Variants in FAM117B observed in about 807,000 individuals in gnomAD.
FAM117B encodes family with sequence similarity 117 member B, also known as protein FAM117B.
A neutral mutation model predicts 52.8 loss-of-function variants in FAM117B; 22 were observed. That is an observed-to-expected ratio of 0.42 (90% CI 0.30 to 0.59). The LOEUF (loss-of-function observed/expected upper bound fraction) is 0.59, where lower values mean the gene tolerates loss of function less well. FAM117B is among the 20% of genes least tolerant of loss of function. The probability of loss-of-function intolerance (pLI) is 0.22; values close to 1 mark genes in which losing one functional copy is unlikely to be tolerated. For synonymous variants in FAM117B, 309 were observed against 324.1 expected (o/e 0.95, Z 0.50); for missense variants, 678 against 802.6 (o/e 0.84, Z 1.88).
At chr2:202,711,956 T>C (rs1319919265) in intron 2 of FAM117B, among the ~76,000 whole-genome samples, 2 of 152,212 alleles carry the variant, frequency 1.3e-5, no homozygotes, top group African/African-American at 4.8e-5. Context: ...CATTCTGTAG[T>C]ATAATTTGAA....
intron 1 of FAM117B, among the ~76,000 whole-genome samples, chr2:202,690,315 A>G (rs984412337): frequency 1.1e-4 from 16 of 152,250 alleles, no homozygotes; most frequent in African/African-American, 3.9e-4. Context: ...TAACATTGGA[A>G]GTCATTCTTT....
chr2:202,706,401 T>G (rs1690869064), intron 2 of FAM117B, among the ~76,000 whole-genome samples: 1 of 152,252 alleles, frequency 6.6e-6, no homozygotes, highest in African/African-American at 2.4e-5. Flanking sequence ...AAGTATTTTA[T>G]TTTTACAATT....
Position 202,651,272 on chromosome 2 carries a change from G to C in FAM117B, c.601+15484G>C, listed in dbSNP as rs1278082406. 3.3e-5 allele frequency among the ~76,000 whole-genome samples: 5 copies of C among 152,020 alleles called. No homozygotes were observed. The East Asian group carries it at 9.7e-4, about 29-fold the overall frequency. On this transcript the variant is annotated intron_variant, in intron 1 of 7. Transcript: ENST00000392238. ...AGACAGGGTTTCACTACGTTGGCCA[G>C]GCTGGTCTCGAACTCCTGATTGCAG...
At chr2:202,755,267 A>G (rs544613240) in intron 4 of FAM117B, among the ~76,000 whole-genome samples, 19 of 152,280 alleles carry the variant, frequency 1.2e-4, no homozygotes, top group African/African-American at 4.1e-4. Context: ...TCTGAGGTTG[A>G]CATTCTTTTA....
At chr2:202,731,332 A>AAAATATATATATATATAT (rs1553522256) in intron 4 of FAM117B, among the ~76,000 whole-genome samples, 19 of 30,766 alleles carry the variant, frequency 6.2e-4, no homozygotes, top group Non-Finnish European at 1.7e-3. Context: ...GAGAAATTGG[A>AAAATATATATATATATAT]ATATATATAT....
Position 202,739,601 on chromosome 2 carries a change from G to A in FAM117B, c.960+13238G>A, listed in dbSNP as rs371197171. 6.2e-4 allele frequency among the ~76,000 whole-genome samples: 94 copies of A among 152,000 alleles called. 1 individual carries two copies. In the East Asian group the frequency reaches 0.012, roughly 20 times the overall value. On this transcript the variant is annotated intron_variant, in intron 4 of 7. Transcript: ENST00000392238. ...CTCCTAAGAAGCTGGGACCACAGGC[G>A]TGTGCCACCATGCCCGGCTGATATT...
chr2:202,749,353 A>G (rs1691685772), intron 4 of FAM117B, among the ~76,000 whole-genome samples: 1 of 152,078 alleles, frequency 6.6e-6, no homozygotes, highest in African/African-American at 2.4e-5. Flanking sequence ...TTCTTAAGTA[A>G]TGCCCTCATA....
chr2:202,700,396 TTA>T lies in FAM117B; in HGVS notation c.753+4365_753+4366del, dbSNP rs1316276799. 2.0e-5 allele frequency among the ~76,000 whole-genome samples: 3 copies of T among 152,346 alleles called. No individual in the cohort carries two copies. The East Asian group carries it at 5.8e-4, about 29-fold the overall frequency. ...CTTTATTGGCAATATGGAAAAAGTT[TTA>T]GTGATCTAGATAGAAGATCAAACCA... On this transcript the variant is annotated intron_variant, in intron 2 of 7. Transcript: ENST00000392238.
chr2:202,703,183 A>G (rs773604111), intron 2 of FAM117B, among the ~76,000 whole-genome samples: 12 of 152,160 alleles, frequency 7.9e-5, no homozygotes, highest in Non-Finnish European at 1.6e-4. Flanking sequence ...TTTTTTCCTC[A>G]CTATTAATAC....
At chr2:202,719,616 C>T (rs900074655) in intron 2 of FAM117B, among the ~76,000 whole-genome samples, 9 of 152,048 alleles carry the variant, frequency 5.9e-5, no homozygotes, top group African/African-American at 1.9e-4. Flanking sequence ...TTAAAAATAC[C>T]AATAAACTTA....
intron 2 of FAM117B, among the ~76,000 whole-genome samples, chr2:202,699,165 G>T (rs1470098668): frequency 1.3e-5 from 2 of 151,870 alleles, no homozygotes; most frequent in Non-Finnish European, 2.9e-5. Context: ...GGTGGCTCAC[G>T]CCTGTAATCC....
chr2:202,681,604 G>A (rs764481507), intron 1 of FAM117B, among the ~76,000 whole-genome samples: 5 of 152,158 alleles, frequency 3.3e-5, no homozygotes, highest in Admixed American at 6.5e-5. Context: ...TGTTTGCATC[G>A]AATAGGAAAA....
chr2:202,725,640 A>G (rs1378729050), intron 3 of FAM117B, among the ~76,000 whole-genome samples: 1 of 152,108 alleles, frequency 6.6e-6, no homozygotes, highest in Non-Finnish European at 1.5e-5. Context: ...TTTTCTATAT[A>G]TGGTGGTGTT....
intron 2 of FAM117B, among the ~76,000 whole-genome samples, chr2:202,699,450 A>AAAAAAAAAAAAAAAAAAAAAAAAAAG (rs1690765501): frequency 1.3e-5 from 1 of 77,674 alleles, no homozygotes; most frequent in African/African-American, 7.3e-5. Context: ...AAAAAAAAAG[A>AAAAAAAAAAAAAAAAAAAAAAAAAAG]AAAAAAAAAA....
rs116828673 is a variant in FAM117B at position 202,677,862 on chromosome 2, A to G, written c.602-18019A>G. 8.5e-3 allele frequency among the ~76,000 whole-genome samples: 1,298 copies of G among 152,344 alleles called. 25 individuals are homozygous for G. Among genetic ancestry groups the G allele is most frequent in the African/African-American group, 0.029 (1,226 of 41,580 alleles). On this transcript the variant is annotated intron_variant, in intron 1 of 7. Transcript: ENST00000392238. ...ATTGTTGGTTTAAATTAGGTAATGCATGGAAGCAGTTTGCTCAATGCCTAA... is the reference window on the plus strand; with the variant it reads ...ATTGTTGGTTTAAATTAGGTAATGCGTGGAAGCAGTTTGCTCAATGCCTAA...
intron 1 of FAM117B, among the ~76,000 whole-genome samples, chr2:202,685,229 C>T (rs774958494): frequency 2.0e-5 from 3 of 152,128 alleles, no homozygotes; most frequent in Non-Finnish European, 4.4e-5. Flanking sequence ...AAGTGATCCA[C>T]CTGCCTCTGC....
chr2:202,645,868 A>AG (rs1229933815), intron 1 of FAM117B, among the ~76,000 whole-genome samples: 3 of 148,558 alleles, frequency 2.0e-5, no homozygotes, highest in Middle Eastern at 3.8e-3. Context: ...GGCCTCCCAA[A>AG]TGCTGGGATT....
At chr2:202,694,955 A>G (rs561198148) in intron 1 of FAM117B, among the ~76,000 whole-genome samples, 8 of 152,266 alleles carry the variant, frequency 5.3e-5, no homozygotes, top group South Asian at 2.1e-4. Flanking sequence ...GATTTATTTT[A>G]TATTTTCCCA....
rs760844177 is a variant in FAM117B, at chr2:202,720,105, A to G, written c.754-4812A>G. On this transcript the variant is annotated intron_variant, in intron 2 of 7. Coordinates refer to ENST00000392238, the MANE Select transcript of FAM117B (RefSeq NM_173511.4). The stretch of plus-strand genomic sequence containing the variant: ...ATATTCTGTTCTCCAAGAAACATTC[A>G]TTGGTTTTAGCATTTGTTGATGATT... Among the ~76,000 whole-genome samples the G allele has an allele frequency of 7.0e-4, 106 of 152,274 alleles. 1 individual carries two copies. The Middle Eastern group carries it at 0.01, about 15-fold the overall frequency.
Sources: gnomAD v4.1 joint callset for allele counts (sites outside exome capture counted in the v4.1 genomes callset) on GRCh38, gnomAD v4.1.1 for gene constraint, MANE v1.5 for transcripts, NCBI Gene and HGNC (gene_info 2026-07-23, HGNC 2026-07-21) for gene names.